Variants in TSPAN7 observed in about 807,000 individuals in gnomAD.
The protein encoded by TSPAN7 is tetraspanin 7, also known as tetraspanin-7.
In TSPAN7, 1 loss-of-function variant was observed where a neutral mutation model predicts 17.6. The observed-to-expected ratio is 0.06, with a 90% CI of 0.02 to 0.27. The LOEUF (loss-of-function observed/expected upper bound fraction) is 0.27, where lower values mean the gene tolerates loss of function less well. TSPAN7 is among the 10% of genes least tolerant of loss of function. The pLI, the probability that TSPAN7 is intolerant of heterozygous loss-of-function variation, is 1.00. For missense variants in TSPAN7, 112 were observed against 201.7 expected, an observed-to-expected ratio of 0.56 and a Z score of 2.69; for synonymous variants, 78 against 79.0, an observed-to-expected ratio of 0.99 and a Z score of 0.07.
At chrX:38,632,231 C>T (rs1046424723) in intron 1 of TSPAN7, among the ~76,000 whole-genome samples, 2 of 111,798 alleles carry the variant, frequency 1.8e-5, no homozygotes, top group Non-Finnish European at 3.8e-5. Flanking sequence ...GCAATGATGA[C>T]GCTAATTGGT....
chrX:38,678,235 C>T (rs189937177), intron 5 of TSPAN7, among the ~76,000 whole-genome samples: 4 of 112,124 alleles, frequency 3.6e-5, no homozygotes, highest in East Asian at 5.6e-4. Flanking sequence ...TTTGACAGTT[C>T]GTAAGGGCAA....
At chrX:38,584,949 AT>A (rs1433384892) in intron 1 of TSPAN7, among the ~76,000 whole-genome samples, 2 of 112,330 alleles carry the variant, frequency 1.8e-5, no homozygotes, top group African/African-American at 6.5e-5. Context: ...TTTGAACATT[AT>A]ATAAATTGAA....
At chrX:38,645,788 T>G (rs770077161) in intron 1 of TSPAN7, among the ~76,000 whole-genome samples, 1 of 112,014 alleles carries the variant, frequency 8.9e-6, no homozygotes, top group Non-Finnish European at 1.9e-5. Context: ...AGATTCTTGG[T>G]AGCGTGCATG....
At chrX:38,573,523 C>T (rs1350558763) in intron 1 of TSPAN7, among the ~76,000 whole-genome samples, 3 of 111,587 alleles carry the variant, frequency 2.7e-5, no homozygotes, top group Non-Finnish European at 3.8e-5. Flanking sequence ...ACCATTTTTC[C>T]CTATTACTAA....
Position 38,628,600 on chromosome X carries a change from C to T in TSPAN7, c.82-37521C>T, listed in dbSNP as rs193050756. On this transcript the variant is annotated intron_variant, in intron 1 of 7. Transcript: ENST00000378482. ...TCTGCCTTATTCTTCTGTTTCATCT[C>T]AGGTCAATATTGGAGTTGAATGTCA... is the stretch of plus-strand genomic sequence containing the variant. 2.8e-3 allele frequency among the ~76,000 whole-genome samples: 318 copies of T among 111,603 alleles called. 1 individual carries two copies. Among genetic ancestry groups the T allele is most frequent in the African/African-American group, 9.8e-3 (302 of 30,745 alleles).
intron 1 of TSPAN7, among the ~76,000 whole-genome samples, chrX:38,585,434 G>A (rs754183794): frequency 9.3e-4 from 103 of 111,255 alleles, no homozygotes; most frequent in African/African-American, 3.2e-3. Context: ...TTTCCCATAA[G>A]AGGCATCTTA....
intron 1 of TSPAN7, among the ~76,000 whole-genome samples, chrX:38,565,870 T>C (rs910384106): frequency 6.3e-5 from 7 of 111,731 alleles, no homozygotes; most frequent in African/African-American, 2.3e-4. Flanking sequence ...TTTGGCAATG[T>C]CTGGAGACAT....
intron 1 of TSPAN7, among the ~76,000 whole-genome samples, chrX:38,562,559 GGGAGGAGGAGGAGGGGGAGGAGGA>G (rs2069118336): frequency 9.9e-6 from 1 of 100,595 alleles, no homozygotes; most frequent in Admixed American, 1.1e-4. Flanking sequence ...CGGGGGAGGG[GGGAGGAGGAGGAGGGGGAGGAGGA>G]GGAGGAGGAG....
intron 2 of TSPAN7, among the ~76,000 whole-genome samples, chrX:38,670,414 G>A (rs2069813247): frequency 8.9e-6 from 1 of 112,175 alleles, no homozygotes; most frequent in Non-Finnish European, 1.9e-5. Flanking sequence ...GCATGCACAT[G>A]CAAAAAACTT....
chrX:38,675,497 T>C (rs1193889429), intron 4 of TSPAN7, among the ~76,000 whole-genome samples: 1 of 111,690 alleles, frequency 9.0e-6, no homozygotes, highest in African/African-American at 3.3e-5. Context: ...ATGTGATATA[T>C]AATTTAGAAC....
chrX:38,587,216 A>G (rs910518021), intron 1 of TSPAN7, among the ~76,000 whole-genome samples: 3 of 112,099 alleles, frequency 2.7e-5, no homozygotes, highest in African/African-American at 6.5e-5. Flanking sequence ...AGACTGAGAA[A>G]CCCTGTTTTA....
intron 1 of TSPAN7, among the ~76,000 whole-genome samples, chrX:38,608,448 G>A (rs1275016229): frequency 9.0e-6 from 1 of 110,781 alleles, no homozygotes; most frequent in Admixed American, 9.6e-5. Context: ...GTTTTAAAAT[G>A]TTCAGTTCCA....
At chrX:38,582,227 G>T (rs1458383797) in intron 1 of TSPAN7, among the ~76,000 whole-genome samples, 3 of 112,469 alleles carry the variant, frequency 2.7e-5, no homozygotes, top group African/African-American at 9.7e-5. Context: ...ATTCCTCCCA[G>T]GCTGTTAAAA....
At chrX:38,638,143 G>T (rs1231543586) in intron 1 of TSPAN7, among the ~76,000 whole-genome samples, 1 of 112,131 alleles carries the variant, frequency 8.9e-6, no homozygotes, top group African/African-American at 3.2e-5. Flanking sequence ...ACAACTGCAC[G>T]TTAGGGAGCT....
intron 5 of TSPAN7, among the ~76,000 whole-genome samples, 188 bp downstream of exon 5, chrX:38,676,048 T>G (rs937476017): frequency 1.8e-5 from 2 of 111,908 alleles, no homozygotes; most frequent in African/African-American, 6.5e-5. Flanking sequence ...AAGCTGTGAC[T>G]CAGATCAGCC....
chrX:38,646,054 A>G (rs1026952184), intron 1 of TSPAN7, among the ~76,000 whole-genome samples: 16 of 111,571 alleles, frequency 1.4e-4, no homozygotes, highest in Non-Finnish European at 2.8e-4. Context: ...ATTACCTGGC[A>G]GTGAATTACT....
chrX:38,606,602 G>A (rs2069385041), intron 1 of TSPAN7, among the ~76,000 whole-genome samples: 1 of 110,613 alleles, frequency 9.0e-6, no homozygotes, highest in Non-Finnish European at 1.9e-5. Context: ...CCATAATATT[G>A]GTGATTTACA....
At chrX:38,665,102 T>G (rs961426479) in intron 1 of TSPAN7, among the ~76,000 whole-genome samples, 4 of 111,981 alleles carry the variant, frequency 3.6e-5, no homozygotes, top group Non-Finnish European at 1.9e-5. Context: ...ATGCCAATTC[T>G]CTCCAGTTTT....
At chrX:38,613,965 G>T (rs1602099469) in intron 1 of TSPAN7, among the ~76,000 whole-genome samples, 1 of 106,602 alleles carries the variant, frequency 9.4e-6, no homozygotes, top group South Asian at 4.3e-4. Flanking sequence ...GTCACTGCTG[G>T]TTTGAGGTTT....
Sources: allele counts gnomAD v4.1 joint callset (sites outside exome capture counted in the v4.1 genomes callset), GRCh38; gene constraint gnomAD v4.1.1; transcripts MANE v1.5; gene names NCBI Gene and HGNC (gene_info 2026-07-23, HGNC 2026-07-21).